Variants in MFSD2B observed in about 807,000 individuals in gnomAD.
The protein encoded by MFSD2B is MFSD2 lysolipid transporter B, sphingolipid, also known as sphingosine-1-phosphate transporter MFSD2B.
Under a neutral mutation model 58.4 loss-of-function variants are expected in MFSD2B, and 56 were observed. The observed-to-expected ratio is 0.96, with a 90% CI of 0.77 to 1.20. The LOEUF (loss-of-function observed/expected upper bound fraction) is 1.20, where lower values mean the gene tolerates loss of function less well. Ranked by LOEUF, MFSD2B falls within the 50% of genes most tolerant of loss-of-function variation. MFSD2B has a pLI of 0.00. For synonymous variants in MFSD2B, 287 were observed against 294.4 expected (o/e 0.97, Z 0.26); for missense variants, 645 against 667.6 (o/e 0.97, Z 0.37).
Position 24,021,236 on chromosome 2 carries a change from C to T in MFSD2B, c.682-412C>T, listed in dbSNP as rs982146104. Reference sequence around the variant, plus strand: ...TAATCTGAGTCACCATGCATCTCACCGTGCTGTAACCACCTGCTCCTGGAT... The same window carrying T: ...TAATCTGAGTCACCATGCATCTCACTGTGCTGTAACCACCTGCTCCTGGAT... On this transcript the variant is annotated intron_variant, in intron 6 of 13. Transcript: ENST00000338315. The surrounding 1 kb of genome is among the most constrained non-coding windows in gnomAD (Gnocchi z 5.7). Among the ~76,000 whole-genome samples the T allele has an allele frequency of 6.6e-6, 1 of 152,166 alleles. No individual in the cohort carries two copies. Among genetic ancestry groups the T allele is most frequent in the Non-Finnish European group, 1.5e-5 (1 of 68,024 alleles).
intron 1 of MFSD2B, among the ~76,000 whole-genome samples, chr2:24,011,080 T>G (rs1708938357): frequency 6.6e-6 from 1 of 152,162 alleles, no homozygotes; most frequent in South Asian, 2.1e-4. Context: ...GCAGCCCCGG[T>G]CACTCCAAGG....
chr2:24,015,128 A>G (rs972398417), intron 2 of MFSD2B, among the ~76,000 whole-genome samples: 3 of 151,366 alleles, frequency 2.0e-5, no homozygotes, highest in Admixed American at 1.3e-4. Context: ...CAAAAACAAA[A>G]CAAAAACCAA....
At chr2:24,010,366 C>T (rs900085519) in intron 1 of MFSD2B, among the ~76,000 whole-genome samples, 174 bp downstream of exon 1, 1 of 152,228 alleles carries the variant, frequency 6.6e-6, no homozygotes, top group Non-Finnish European at 1.5e-5. Flanking sequence ...CTGGTAGGTG[C>T]CGGCGCCGGA....
rs1178333253 is a variant in MFSD2B at position 24,012,175 on chromosome 2, C to CAA, written c.97-1109_97-1108insAA. On this transcript the variant is annotated intron_variant, in intron 1 of 13. Coordinates refer to ENST00000338315, the MANE Select transcript of MFSD2B (RefSeq NM_001346880.2). The surrounding 1 kb of genome is among the most constrained non-coding windows in gnomAD (Gnocchi z 4.5). The stretch of plus-strand genomic sequence containing the variant: ...AAACACACACACACACACACACACA[C>CAA]ACACAAAAACAGACAAAAAAACCCT... Among the ~76,000 whole-genome samples, 8 of 140,446 alleles carry CAA rather than the reference C, an allele frequency of 5.7e-5. No individual in the cohort carries two copies. The highest frequency in any genetic ancestry group is 2.1e-4 in the African/African-American group (8 of 37,646). The allele number at this position is 140,446 out of a possible 152,430, so 92.1% of individuals were successfully genotyped here.
chr2:24,013,333 A>G lies in MFSD2B; in HGVS notation c.145A>G (p.Ile49Val), dbSNP rs1371898215. ...ATTCTGTACAAAGGTGTGCTATGGC[A>G]TTGGTGGGGTCCCCAACCAGATAGC... is the stretch of plus-strand genomic sequence containing the variant. ...LSFCTKVCYG[I>V]GGVPNQIASS... Residue 49 changes from isoleucine (I) to valine (V), a missense_variant, in exon 2 of 14, where the codon ATT becomes GTT. By Grantham distance (29) the Ile-to-Val change is conservative. Transcript: ENST00000338315. 3.7e-6 allele frequency: 6 copies of G among 1,612,456 alleles called. No individual in the cohort carries two copies. The African/African-American group carries it at 5.3e-5, about 14-fold the overall frequency.
Position 24,022,063 on chromosome 2 carries a change from G to A in MFSD2B, c.894+93G>A. On this transcript the variant is annotated intron_variant, in intron 8 of 13. Coordinates refer to ENST00000338315, the MANE Select transcript of MFSD2B (RefSeq NM_001346880.2). The surrounding 1 kb of genome is among the most constrained non-coding windows in gnomAD (Gnocchi z 4.5). Reference sequence around the variant, plus strand: ...GCAGTCTTGGCTTGAGTTTTATAGGGAGAAACCTGCGGCTGGCACATGGCT... The same window carrying A: ...GCAGTCTTGGCTTGAGTTTTATAGGAAGAAACCTGCGGCTGGCACATGGCT... The A allele has an allele frequency of 6.8e-7, 1 of 1,463,208 alleles. No homozygotes were observed. The highest frequency in any genetic ancestry group is 1.2e-5 in the South Asian group (1 of 84,238). The allele number at this position is 1,463,208 out of a possible 1,614,324, so 90.6% of individuals were successfully genotyped here. A position where few individuals can be genotyped will look rare whatever the true frequency, so the allele number is the denominator to read the frequency against.
At position 24,024,701 on chromosome 2, in the gene MFSD2B, C is replaced by T. The variant is rs74957208; in HGVS notation, c.1490+430C>T. ...AGCCCACAAGCCTGGCACTCAGTCT[C>T]GATGAGCCTCAATGGAACTCATCTT... is the stretch of plus-strand genomic sequence containing the variant. On this transcript the variant is annotated intron_variant, in intron 13 of 13. Transcript: ENST00000338315. This position sits in a 1 kb window ranked among gnomAD's most constrained non-coding sequence, Gnocchi z 4.3. Among the ~76,000 whole-genome samples, 128 of 152,238 alleles carry T rather than the reference C, an allele frequency of 8.4e-4. 1 individual carries two copies. In the East Asian group the frequency reaches 0.02, roughly 24 times the overall value.
At chr2:24,025,125 C>T (rs1363891283) in intron 13 of MFSD2B, among the ~76,000 whole-genome samples, 2 of 152,148 alleles carry the variant, frequency 1.3e-5, no homozygotes, top group African/African-American at 2.4e-5. Flanking sequence ...CAGGCCCACG[C>T]GGGACAGGCA....
At position 24,021,541 on chromosome 2, in the gene MFSD2B, G is replaced by A; in HGVS notation, c.682-107G>A. The A allele has an allele frequency of 9.9e-7, 1 of 1,006,582 alleles. No homozygotes were observed. Among genetic ancestry groups the A allele is most frequent in the Non-Finnish European group, 1.5e-6 (1 of 662,850 alleles). The allele number at this position is 1,006,582 out of a possible 1,614,324, so 62.4% of individuals were successfully genotyped here. A position where few individuals can be genotyped will look rare whatever the true frequency, so the allele number is the denominator to read the frequency against. On this transcript the variant is annotated intron_variant, in intron 6 of 13. Transcript: ENST00000338315. The surrounding 1 kb of genome is among the most constrained non-coding windows in gnomAD (Gnocchi z 5.7). ...GGACCCAGCGTCCTGGGCTTGGGTT[G>A]TGCCTCCCTCCGCTCCCACTGGGAG...
chr2:24,024,798 G>A lies in MFSD2B; in HGVS notation c.1490+527G>A, dbSNP rs1662919231. On this transcript the variant is annotated intron_variant, in intron 13 of 13. Transcript: ENST00000338315. The surrounding 1 kb of genome is among the most constrained non-coding windows in gnomAD (Gnocchi z 4.3). The stretch of plus-strand genomic sequence containing the variant: ...ACACCATCGTTCCCTCTGGGTGGAA[G>A]CCTAGGAGTCTTCTGCTCTTCCCTC... Among the ~76,000 whole-genome samples, 1 of 152,112 alleles carries A rather than the reference G, an allele frequency of 6.6e-6. No individual in the cohort carries two copies. The highest frequency in any genetic ancestry group is 2.4e-5 in the African/African-American group (1 of 41,418).
At chr2:24,014,197 G>A (rs150955182) in intron 2 of MFSD2B, among the ~76,000 whole-genome samples, 1 of 152,014 alleles carries the variant, frequency 6.6e-6, no homozygotes, top group East Asian at 1.9e-4. Flanking sequence ...ATTTTTAGTA[G>A]AGACAACAGT....
chr2:24,025,096 C>T (rs916015206), intron 13 of MFSD2B, among the ~76,000 whole-genome samples: 14 of 152,214 alleles, frequency 9.2e-5, no homozygotes, highest in Middle Eastern at 6.3e-3. Flanking sequence ...GTAAGGTCCA[C>T]GAGCATGCAC....
rs993022782 is a variant in MFSD2B, at chr2:24,023,557, G to C, written c.1170-26G>C. On this transcript the variant is annotated intron_variant, in intron 11 of 13. Coordinates refer to ENST00000338315, the MANE Select transcript of MFSD2B (RefSeq NM_001346880.2). This position sits in a 1 kb window ranked among gnomAD's most constrained non-coding sequence, Gnocchi z 5.0. Reference sequence around the variant, plus strand: ...GCTGCTGGTGGCCAAGGGGCTAGGAGGGCTAACTCCACACCCCCGCCGCAG... The same window carrying C: ...GCTGCTGGTGGCCAAGGGGCTAGGACGGCTAACTCCACACCCCCGCCGCAG... The C allele has an allele frequency of 6.2e-7, 1 of 1,607,128 alleles. No homozygotes were observed. Among genetic ancestry groups the C allele is most frequent in the Middle Eastern group, 1.7e-4 (1 of 5,894 alleles).
chr2:24,012,958 C>A lies in MFSD2B; in HGVS notation c.97-327C>A. The A allele has an allele frequency of 4.3e-6, 1 of 235,116 alleles. No homozygotes were observed. The highest frequency in any genetic ancestry group is 8.4e-5 in the East Asian group (1 of 11,894). The allele number at this position is 235,116 out of a possible 1,614,324, so 14.6% of individuals were successfully genotyped here. On this transcript the variant is annotated intron_variant, in intron 1 of 13. Transcript: ENST00000338315. The surrounding 1 kb of genome is among the most constrained non-coding windows in gnomAD (Gnocchi z 4.5). ...CAAGGTCACATAGAGGGGTAGGTGA[C>A]AAAGGCAGGCTCAAGCCCAGGTCTC...
chr2:24,020,437 G>T lies in MFSD2B; in HGVS notation c.682-1211G>T, dbSNP rs947794264. ...GGATGAGTGCCCTGCCCCACCCTGC[G>T]CCCTCCCTCTCCTCCCCTCCCCAGA... On this transcript the variant is annotated intron_variant, in intron 6 of 13. Coordinates refer to ENST00000338315, the MANE Select transcript of MFSD2B (RefSeq NM_001346880.2). The surrounding 1 kb of genome is among the most constrained non-coding windows in gnomAD (Gnocchi z 4.1). Among the ~76,000 whole-genome samples, 1 of 151,976 alleles carries T rather than the reference G, an allele frequency of 6.6e-6. No individual in the cohort carries two copies. Among genetic ancestry groups the T allele is most frequent in the Admixed American group, 6.6e-5 (1 of 15,264 alleles).
rs1662779323 is a variant in MFSD2B at position 24,021,430 on chromosome 2, G to A, written c.682-218G>A. Among the ~76,000 whole-genome samples, 1 of 152,184 alleles carries A rather than the reference G, an allele frequency of 6.6e-6. No homozygotes were observed. Among genetic ancestry groups the A allele is most frequent in the Non-Finnish European group, 1.5e-5 (1 of 68,026 alleles). Reference sequence around the variant, plus strand: ...GGCATGTGTCCTCTTTGCCATGCAGGGAACACAGGGTCAGCAGAGGGGGTG... The same window carrying A: ...GGCATGTGTCCTCTTTGCCATGCAGAGAACACAGGGTCAGCAGAGGGGGTG... On this transcript the variant is annotated intron_variant, in intron 6 of 13. Coordinates refer to ENST00000338315, the MANE Select transcript of MFSD2B (RefSeq NM_001346880.2). This position sits in a 1 kb window ranked among gnomAD's most constrained non-coding sequence, Gnocchi z 5.7.
chr2:24,011,545 G>C (rs892607589), intron 1 of MFSD2B, among the ~76,000 whole-genome samples: 4 of 152,192 alleles, frequency 2.6e-5, no homozygotes, highest in Admixed American at 1.3e-4. Flanking sequence ...GGGGTGTCCT[G>C]CAAGATGTGG....
rs1010996433 is a variant in MFSD2B, at chr2:24,021,501, G to A, written c.682-147G>A. Reference sequence around the variant, plus strand: ...CCCGGAGAGCATGCTGTCCTGTGGGGTGATTGGGAGGTGGGGACCCAGCGT... The same window carrying A: ...CCCGGAGAGCATGCTGTCCTGTGGGATGATTGGGAGGTGGGGACCCAGCGT... On this transcript the variant is annotated intron_variant, in intron 6 of 13. Transcript: ENST00000338315. The surrounding 1 kb of genome is among the most constrained non-coding windows in gnomAD (Gnocchi z 5.7). 2.2e-5 allele frequency: 15 copies of A among 676,800 alleles called. No homozygotes were observed. The Admixed American group carries it at 2.5e-4, about 11-fold the overall frequency. The allele number at this position is 676,800 out of a possible 1,614,324, so 41.9% of individuals were successfully genotyped here. A position where few individuals can be genotyped will look rare whatever the true frequency, so the allele number is the denominator to read the frequency against.
In MFSD2B at chr2:24,023,589, G is replaced by A. The variant is rs199891216; in HGVS notation, c.1176G>A (p.Met392Ile). The change falls in exon 12 of 14, where the codon ATG (methionine) becomes ATA (isoleucine). Residue 392 changes from methionine to isoleucine, a missense_variant. By Grantham distance (10) the Met-to-Ile change is conservative (BLOSUM62 1). Transcript: ENST00000338315. The surrounding 1 kb of genome is among the most constrained non-coding windows in gnomAD (Gnocchi z 5.0). ...CTCCACACCCCCGCCGCAGGTCCAT[G>A]CTGCCAGACGTGGTGGATGACTTTC... The part of the protein sequence containing the change: ...IAVSLLLPWS[M>I]LPDVVDDFQL... 8.7e-6 allele frequency: 14 copies of A among 1,613,790 alleles called. No homozygotes were observed. In the Admixed American group the frequency reaches 2.2e-4, roughly 25 times the overall value.
Sources: allele counts gnomAD v4.1 joint callset (sites outside exome capture counted in the v4.1 genomes callset), GRCh38; gene constraint gnomAD v4.1.1; non-coding constraint Gnocchi (gnomAD v3.1); transcripts MANE v1.5; gene names NCBI Gene and HGNC (gene_info 2026-07-23, HGNC 2026-07-21).